IDO2: variants seen among roughly 807,000 people sequenced by gnomAD.
The protein encoded by IDO2 is indoleamine 2,3-dioxygenase-like 1 protein.
Under a neutral mutation model 45.1 loss-of-function variants are expected in IDO2, and 46 were observed. The observed-to-expected ratio is 1.02, with a 90% CI of 0.80 to 1.30. The LOEUF is 1.30. IDO2 is among the 50% of genes most tolerant of loss of function. The pLI is 0.00. For missense variants in IDO2, 544 were observed against 491.8 expected (o/e 1.11, Z -1.00); for synonymous variants, 218 against 184.9 (o/e 1.18, Z -1.45).
rs1249867837 is a variant in IDO2, at chr8:40,015,552, AAG to A, written c.1177_1178del (p.Ser393CysfsTer4). 5 of 1,613,840 alleles carry A rather than the reference AAG, an allele frequency of 3.1e-6. No individual in the cohort carries two copies. Among genetic ancestry groups the A allele is most frequent in the Non-Finnish European group, 4.2e-6 (5 of 1,179,876 alleles). On this transcript the variant is annotated frameshift_variant, in exon 11 of 11. Coordinates refer to ENST00000502986, the Ensembl canonical transcript of IDO2. LOFTEE classifies it high-confidence loss of function. ...TGGAACCGCAGTTATGAGCTTTCTT[AAG>A]AGTGTCAGGGATAAGACCTTGGAGT... is the stretch of plus-strand genomic sequence containing the variant.
intron 1 of IDO2, among the ~76,000 whole-genome samples, chr8:39,937,210 A>G (rs747608275): frequency 1.3e-5 from 2 of 152,242 alleles, no homozygotes; most frequent in Non-Finnish European, 2.9e-5. Flanking sequence ...CTGTGGATAC[A>G]GTTGAATGAT....
intron 3 of IDO2, among the ~76,000 whole-genome samples, chr8:39,978,831 C>G (rs2129594360): frequency 6.6e-6 from 1 of 152,212 alleles, no homozygotes; most frequent in South Asian, 2.1e-4. Flanking sequence ...AAACTGTGGG[C>G]TCGGGTGGGC....
At chr8:39,996,637 C>T (rs756796595) in intron 8 of IDO2, among the ~76,000 whole-genome samples, 32 of 151,814 alleles carry the variant, frequency 2.1e-4, no homozygotes, top group African/African-American at 4.4e-4. Context: ...TCTCCGCACA[C>T]GAGGAGAAAA....
intron 3 of IDO2, among the ~76,000 whole-genome samples, chr8:39,967,595 G>C (rs143638267): frequency 1.4e-3 from 218 of 152,108 alleles, no homozygotes; most frequent in African/African-American, 5.1e-3. Flanking sequence ...TCAAGCAATT[G>C]TCCTGCCTCA....
At chr8:39,965,223 C>T (rs1289907837) in intron 3 of IDO2, among the ~76,000 whole-genome samples, 1 of 152,164 alleles carries the variant, frequency 6.6e-6, no homozygotes, top group East Asian at 1.9e-4. Flanking sequence ...TGGTGGCTCA[C>T]GCCTGTAATC....
In IDO2 at chr8:39,963,549, C is replaced by G; in HGVS notation, c.100-59C>G. The G allele has an allele frequency of 5.2e-6, 5 of 965,490 alleles. No homozygotes were observed. In the South Asian group the frequency reaches 7.7e-5, roughly 15 times the overall value. 59.8% of individuals were successfully genotyped at this position (965,490 alleles called of 1,614,324 possible). On this transcript the variant is annotated intron_variant, in intron 2 of 10. Coordinates refer to ENST00000502986, the Ensembl canonical transcript of IDO2. ...AGACTGAAATGTGAAAATAGCTACTCTCGGAAGCCCCTTTCCAGAGAGGTC... is the reference window on the plus strand; with the variant it reads ...AGACTGAAATGTGAAAATAGCTACTGTCGGAAGCCCCTTTCCAGAGAGGTC...
intron 3 of IDO2, among the ~76,000 whole-genome samples, chr8:39,966,072 A>G (rs1221355422): frequency 8.0e-6 from 1 of 125,220 alleles, no homozygotes; most frequent in Non-Finnish European, 1.6e-5. Flanking sequence ...TCTGTCTCCC[A>G]GGCTGGAATG....
At chr8:39,985,583 T>G (rs546745966) in intron 6 of IDO2, 61 bp downstream of exon 6, 1 of 1,373,312 alleles carries the variant, frequency 7.3e-7, no homozygotes, top group South Asian at 1.3e-5. Flanking sequence ...AATCTTACAA[T>G]AAAACAAAGA....
At chr8:39,946,033 A>G (rs1807722643) in intron 1 of IDO2, among the ~76,000 whole-genome samples, 1 of 152,196 alleles carries the variant, frequency 6.6e-6, no homozygotes, top group Non-Finnish European at 1.5e-5. Context: ...AACATTAGCC[A>G]CAAGATTAGA....
At chr8:39,994,345 C>A (rs547419267) in intron 8 of IDO2, among the ~76,000 whole-genome samples, 27 of 151,620 alleles carry the variant, frequency 1.8e-4, no homozygotes, top group African/African-American at 5.6e-4. Flanking sequence ...ACAACCTCTG[C>A]GTCCCAGGTT....
At chr8:39,967,278 T>G (rs977789002) in intron 3 of IDO2, among the ~76,000 whole-genome samples, 1 of 151,992 alleles carries the variant, frequency 6.6e-6, no homozygotes, top group Non-Finnish European at 1.5e-5. Context: ...AGCACAAAAT[T>G]TTTAGACCTT....
intron 6 of IDO2, chr8:39,986,003 T>C (rs1416663049): frequency 1.3e-5 from 2 of 153,998 alleles, no homozygotes; most frequent in African/African-American, 4.8e-5. Flanking sequence ...CTAATTTTTG[T>C]ATTTTTAGTT....
intron 8 of IDO2, among the ~76,000 whole-genome samples, chr8:40,002,524 G>A (rs1156840459): frequency 2.0e-5 from 3 of 152,206 alleles, no homozygotes; most frequent in Non-Finnish European, 2.9e-5. Flanking sequence ...GCTGGGCGCG[G>A]TGGCTCACGC....
intron 8 of IDO2, chr8:39,995,222 C>T (rs1006238265): frequency 1.3e-5 from 1 of 77,150 alleles, no homozygotes; most frequent in African/African-American, 6.9e-5. Flanking sequence ...TCTCCTTCTC[C>T]TTCTCCTTCT....
intron 1 of IDO2, among the ~76,000 whole-genome samples, chr8:39,948,637 T>C (rs1234144979): frequency 2.0e-5 from 3 of 152,248 alleles, no homozygotes; most frequent in East Asian, 1.9e-4. Flanking sequence ...AAAGAGAACA[T>C]GAGGAAACTT....
intron 8 of IDO2, among the ~76,000 whole-genome samples, chr8:40,003,203 C>G (rs1001044060): frequency 6.6e-6 from 1 of 151,908 alleles, no homozygotes; most frequent in Non-Finnish European, 1.5e-5. Context: ...AGTCCCATCT[C>G]TACTAAAAAC....
intron 8 of IDO2, among the ~76,000 whole-genome samples, chr8:40,001,173 T>C (rs1041200324): frequency 2.0e-5 from 3 of 149,456 alleles, no homozygotes; most frequent in Non-Finnish European, 4.5e-5. Flanking sequence ...CTCTTCTTTC[T>C]CTCTCTCTCT....
At chr8:39,951,670 C>A (rs1244455592) in intron 2 of IDO2, among the ~76,000 whole-genome samples, 6 of 152,146 alleles carry the variant, frequency 3.9e-5, no homozygotes, top group African/African-American at 1.4e-4. Flanking sequence ...AGTCTTCTGA[C>A]CTTGAGCCAG....
At chr8:39,999,526 A>G (rs1802104087) in intron 8 of IDO2, among the ~76,000 whole-genome samples, 1 of 149,458 alleles carries the variant, frequency 6.7e-6, no homozygotes, top group Non-Finnish European at 1.5e-5. Context: ...TGATCCACCC[A>G]CCTCAGTCTC....
Sources: allele counts gnomAD v4.1 joint callset (sites outside exome capture counted in the v4.1 genomes callset), GRCh38; gene constraint gnomAD v4.1.1; transcripts MANE v1.5; gene names NCBI Gene and HGNC (gene_info 2026-07-23, HGNC 2026-07-21).